The following YIPF7 variants were observed in gnomAD, a reference collection of about 807,000 sequenced individuals.
YIPF7 encodes the protein Yip1 domain family member 7.
Under a neutral mutation model 27.2 loss-of-function variants are expected in YIPF7, and 35 were observed. The ratio of observed to expected loss-of-function variants is 1.29; its 90% confidence interval spans 0.98 to 1.70. The LOEUF is 1.70. Ranked by LOEUF, YIPF7 falls within the 40% of genes most tolerant of loss-of-function variation. The pLI is 0.00. For missense variants in YIPF7, 358 were observed against 303.7 expected, an observed-to-expected ratio of 1.18 and a Z score of -1.33; for synonymous variants, 137 against 110.4, an observed-to-expected ratio of 1.24 and a Z score of -1.51.
intron 1 of YIPF7, among the ~76,000 whole-genome samples, chr4:44,661,614 A>G (rs1714041852): frequency 6.6e-6 from 1 of 152,198 alleles, no homozygotes; most frequent in South Asian, 2.1e-4. Flanking sequence ...AAGGGTACAC[A>G]TGTCTCTTTA....
intron 4 of YIPF7, among the ~76,000 whole-genome samples, chr4:44,626,821 G>C (rs557884879): frequency 8.1e-6 from 1 of 123,270 alleles, no homozygotes; most frequent in Non-Finnish European, 1.6e-5. Context: ...TTTCGCCCAG[G>C]CCGGAGGGCA....
upstream of YIPF7, among the ~76,000 whole-genome samples, chr4:44,655,435 T>C (rs527437955): frequency 3.0e-4 from 46 of 151,980 alleles, no homozygotes; most frequent in Non-Finnish European, 5.3e-4. Context: ...TCAAAAATAT[T>C]ATGTATGGCT....
At chr4:44,631,528 C>T (rs545788260) in intron 3 of YIPF7, among the ~76,000 whole-genome samples, 1 of 152,024 alleles carries the variant, frequency 6.6e-6, no homozygotes, top group Non-Finnish European at 1.5e-5. Flanking sequence ...CAGCTAGACA[C>T]TGGTCTAAAC....
intron 2 of YIPF7, among the ~76,000 whole-genome samples, chr4:44,640,045 T>G (rs184009083): frequency 1.3e-5 from 2 of 152,316 alleles, no homozygotes; most frequent in Non-Finnish European, 2.9e-5. Flanking sequence ...TAAAACCTAC[T>G]AAATCATGGC....
Position 44,624,611 on chromosome 4 carries a change from A to C in YIPF7, c.598T>G (p.Phe200Val). 1.3e-6 allele frequency: 2 copies of C among 1,588,910 alleles called. No individual in the cohort carries two copies. The highest frequency in any genetic ancestry group is 1.7e-6 in the Non-Finnish European group (2 of 1,168,776). The change falls in exon 5 of 6, where the codon TTT becomes GTT. Residue 200 changes from phenylalanine (F) to valine (V), a missense_variant. Coordinates refer to ENST00000415895, the MANE Select transcript of YIPF7 (RefSeq NM_182592.3). ...CACACAGACACTTACTGCAGTGAAA[A>C]GAACATGGCGCAACCAGACAGGATG... ...MVILSGCAMF[F>V]SLQGIFGIMS...
At chr4:44,644,599 T>A (rs1713459578) in intron 2 of YIPF7, among the ~76,000 whole-genome samples, 1 of 152,184 alleles carries the variant, frequency 6.6e-6, no homozygotes, top group African/African-American at 2.4e-5. Context: ...TTTTACAGGA[T>A]CATAGGCAGA....
chr4:44,648,863 A>G (rs1713623536), intron 2 of YIPF7, among the ~76,000 whole-genome samples: 1 of 152,192 alleles, frequency 6.6e-6, no homozygotes, highest in African/African-American at 2.4e-5. Flanking sequence ...AAAATGCCAA[A>G]GCCAGAATTT....
upstream of YIPF7, among the ~76,000 whole-genome samples, chr4:44,653,776 T>C (rs1286662421): frequency 2.0e-5 from 3 of 152,158 alleles, no homozygotes; most frequent in Non-Finnish European, 4.4e-5. Flanking sequence ...TACCATCTTT[T>C]CTATTCCTTC....
chr4:44,660,038 T>C (rs60963137), intron 2 of YIPF7, among the ~76,000 whole-genome samples: 78,968 of 139,658 alleles, frequency 0.57, 22,278 homozygotes, highest in Non-Finnish European at 0.64. Context: ...GGCGTGAACC[T>C]GGGAGGCAGA....
At chr4:44,626,904 T>G (rs1208022258) in intron 4 of YIPF7, among the ~76,000 whole-genome samples, 1 of 150,094 alleles carries the variant, frequency 6.7e-6, no homozygotes, top group Non-Finnish European at 1.5e-5. Context: ...GCCTCCCGCG[T>G]AGCTGGGACT....
At chr4:44,657,034 C>T (rs1713920260) in intron 2 of YIPF7, among the ~76,000 whole-genome samples, 1 of 151,976 alleles carries the variant, frequency 6.6e-6, no homozygotes. Flanking sequence ...GACAACATTG[C>T]TATTTCATGG....
At chr4:44,650,224 T>C in intron 1 of YIPF7, 123 bp from the exon 2 acceptor site, 1 of 693,948 alleles carries the variant, frequency 1.4e-6, no homozygotes, top group Non-Finnish European at 2.6e-6. Flanking sequence ...AAGATGTCCT[T>C]TGAATGGGGT....
chr4:44,640,676 T>C (rs376125477), intron 2 of YIPF7, among the ~76,000 whole-genome samples: 12 of 152,130 alleles, frequency 7.9e-5, no homozygotes, highest in African/African-American at 2.9e-4. Flanking sequence ...TCATGGCCCA[T>C]AGGAGTCTCC....
chr4:44,643,116 T>C (rs993819538), intron 2 of YIPF7, among the ~76,000 whole-genome samples: 1 of 152,170 alleles, frequency 6.6e-6, no homozygotes, highest in African/African-American at 2.4e-5. Context: ...ACTTGTTAAA[T>C]TGTTATGACC....
chr4:44,659,982 C>T (rs551265026), intron 2 of YIPF7, among the ~76,000 whole-genome samples: 20 of 151,580 alleles, frequency 1.3e-4, no homozygotes, highest in Non-Finnish European at 2.8e-4. Context: ...GGAGTGGTGG[C>T]GGCTGCCTGT....
At chr4:44,653,862 C>T (rs80009267), upstream of YIPF7, among the ~76,000 whole-genome samples, 4,219 of 151,860 alleles carry the variant, frequency 0.028, 185 homozygotes, top group African/African-American at 0.098. Flanking sequence ...TTTTTTTTGA[C>T]GTATAAATTC....
chr4:44,625,764 C>T (rs903872172), intron 4 of YIPF7, among the ~76,000 whole-genome samples: 3 of 152,086 alleles, frequency 2.0e-5, no homozygotes, highest in African/African-American at 4.8e-5. Flanking sequence ...TTACTTACAG[C>T]GTACCATTAC....
Position 44,629,458 on chromosome 4 carries a change from G to T in YIPF7, c.371C>A (p.Thr124Lys), listed in dbSNP as rs756593304. The change falls in exon 4 of 6, where the codon ACG becomes AAG. Residue 124 changes from threonine to lysine, a missense_variant. Coordinates refer to ENST00000415895, the MANE Select transcript of YIPF7 (RefSeq NM_182592.3). ...AAAAAGAATGGGTCCAGTGAGGTCC[G>T]TTTCATTCATAATGCTGCCATCTAC... ...KPVDGSIMNE[T>K]DLTGPILFCV... The T allele has an allele frequency of 1.9e-6, 3 of 1,599,940 alleles. No individual in the cohort carries two copies. The highest frequency in any genetic ancestry group is 1.7e-5 in the Admixed American group (1 of 58,240).
chr4:44,631,634 C>T (rs1251001890), intron 3 of YIPF7, among the ~76,000 whole-genome samples: 1 of 151,918 alleles, frequency 6.6e-6, no homozygotes, highest in Non-Finnish European at 1.5e-5. Context: ...AAATAATTTA[C>T]ATTTCTGCTT....
Sources: allele counts gnomAD v4.1 joint callset (sites outside exome capture counted in the v4.1 genomes callset), GRCh38; gene constraint gnomAD v4.1.1; transcripts MANE v1.5; gene names NCBI Gene and HGNC (gene_info 2026-07-23, HGNC 2026-07-21).